Variants in SYCP1 observed in about 807,000 individuals in gnomAD.
SYCP1 encodes cancer/testis antigen 8.
SYCP1 carries 64 observed loss-of-function variants against 153.1 expected under a neutral mutation model. The ratio of observed to expected loss-of-function variants is 0.42; its 90% confidence interval spans 0.34 to 0.51. The LOEUF is 0.51. Ranked by LOEUF, SYCP1 falls within the 20% of genes least tolerant of loss-of-function variation. SYCP1 has a pLI of 0.06. For synonymous variants in SYCP1, 384 were observed against 341.8 expected (o/e 1.12, Z -1.36); for missense variants, 997 against 1,049.0 (o/e 0.95, Z 0.68).
chr1:114,868,508 T>G (rs1664908379), intron 8 of SYCP1, among the ~76,000 whole-genome samples: 1 of 152,192 alleles, frequency 6.6e-6, no homozygotes, highest in African/African-American at 2.4e-5. Flanking sequence ...GCATCTATGT[T>G]CATGAGAGAT....
chr1:114,872,755 A>T (rs1414175959), intron 8 of SYCP1, among the ~76,000 whole-genome samples: 1 of 152,078 alleles, frequency 6.6e-6, no homozygotes, highest in African/African-American at 2.4e-5. Context: ...TTTCTGTTGA[A>T]ATATCTTCAA....
rs2101680308 is a variant in SYCP1 at position 114,913,116 on chromosome 1, C to A, written c.1613C>A (p.Thr538Asn). ...KELTQETSDM[T>N]LELKNQQEDI... ...CTCACACAGGAAACAAGTGATATGA[C>A]CCTAGAACTCAAGAATCAGCAAGAA... is the stretch of plus-strand genomic sequence containing the variant. The change falls in exon 19 of 32, where the codon ACC (threonine) becomes AAC (asparagine). Residue 538 changes from threonine (T) to asparagine (N), a missense_variant. Physicochemically the swap from Thr to Asn is moderately conservative, Grantham distance 65. Around this residue, in one of 2 missense-constraint regions of SYCP1, gnomAD observed 712 missense variants for 682.9 expected, o/e 1.04. Transcript: ENST00000369522. 1.2e-6 allele frequency: 2 copies of A among 1,611,686 alleles called. No homozygotes were observed. The highest frequency in any genetic ancestry group is 1.7e-6 in the Non-Finnish European group (2 of 1,178,676).
chr1:114,981,568 TC>T, intron 29 of SYCP1, 56 bp downstream of exon 29: 2 of 1,453,062 alleles, frequency 1.4e-6, no homozygotes, highest in Non-Finnish European at 9.3e-7. Context: ...TAAATAAAGT[TC>T]TGTTATCACC....
At chr1:114,911,120 T>G (rs935109226) in intron 17 of SYCP1, among the ~76,000 whole-genome samples, 4 of 151,986 alleles carry the variant, frequency 2.6e-5, no homozygotes, top group Non-Finnish European at 5.9e-5. Context: ...TTTATAATAA[T>G]AAGAACATTT....
At chr1:114,874,217 GC>G (rs1284570985) in intron 8 of SYCP1, among the ~76,000 whole-genome samples, 1 of 152,112 alleles carries the variant, frequency 6.6e-6, no homozygotes, top group African/African-American at 2.4e-5. Flanking sequence ...AGTTTGCCCT[GC>G]GACTTTACTT....
At chr1:114,985,997 A>G (rs980770762) in intron 30 of SYCP1, among the ~76,000 whole-genome samples, 3 of 151,966 alleles carry the variant, frequency 2.0e-5, no homozygotes, top group Admixed American at 6.6e-5. Flanking sequence ...TAGTGTTTAC[A>G]TTGTATTGGG....
At chr1:114,935,891 G>A (rs1256471952) in intron 23 of SYCP1, among the ~76,000 whole-genome samples, 6 of 152,026 alleles carry the variant, frequency 3.9e-5, no homozygotes. Context: ...AAAAGGTTCT[G>A]AAATTGAGGC....
chr1:114,977,702 A>G (rs755316344), intron 28 of SYCP1, 86 bp downstream of exon 28: 11 of 853,660 alleles, frequency 1.3e-5, no homozygotes, highest in South Asian at 1.9e-5. Context: ...TATAAGTAGG[A>G]AAATAACATT....
chr1:114,864,751 A>T (rs1664620773), intron 8 of SYCP1, among the ~76,000 whole-genome samples: 1 of 152,060 alleles, frequency 6.6e-6, no homozygotes, highest in South Asian at 2.1e-4. Flanking sequence ...GCCTCCCAAA[A>T]TGTTGGGATT....
Position 114,961,683 on chromosome 1 carries a change from A to G in SYCP1, c.2322+14363A>G, listed in dbSNP as rs183777356. On this transcript the variant is annotated intron_variant, in intron 27 of 31. Coordinates refer to ENST00000369522, the MANE Select transcript of SYCP1 (RefSeq NM_003176.4). ...CCTTTTGGAGTTGATTTCCAATTTT[A>G]TTCCACTGTGGTCTGAGAGAGTACT... is the stretch of plus-strand genomic sequence containing the variant. 3.2e-4 allele frequency among the ~76,000 whole-genome samples: 49 copies of G among 152,240 alleles called. No individual in the cohort carries two copies. The East Asian group carries it at 9.5e-3, about 29-fold the overall frequency.
At chr1:114,882,639 G>T (rs181840553) in intron 12 of SYCP1, among the ~76,000 whole-genome samples, 4 of 151,584 alleles carry the variant, frequency 2.6e-5, no homozygotes, top group Non-Finnish European at 1.5e-5. Context: ...TTGTTTGCTT[G>T]TGTGCCTTAT....
chr1:114,872,006 CTT>C (rs71582510), intron 8 of SYCP1, among the ~76,000 whole-genome samples: 5 of 127,132 alleles, frequency 3.9e-5, no homozygotes, highest in Non-Finnish European at 3.3e-5. Context: ...CTTTCTTTTT[CTT>C]TTTTTTTTTT....
chr1:114,920,750 T>A (rs1668812681), intron 20 of SYCP1, among the ~76,000 whole-genome samples: 1 of 152,300 alleles, frequency 6.6e-6, no homozygotes, highest in African/African-American at 2.4e-5. Context: ...TCTCTTTTTA[T>A]AGTTTTTGTA....
intron 27 of SYCP1, among the ~76,000 whole-genome samples, chr1:114,957,344 G>C (rs566057972): frequency 6.6e-6 from 1 of 152,140 alleles, no homozygotes; most frequent in Non-Finnish European, 1.5e-5. Context: ...ATTACTGAAA[G>C]AAAACACTGG....
At chr1:114,882,497 CTT>C (rs1666021276) in intron 12 of SYCP1, among the ~76,000 whole-genome samples, 1 of 151,744 alleles carries the variant, frequency 6.6e-6, no homozygotes, top group Non-Finnish European at 1.5e-5. Flanking sequence ...TCAGTTTCTT[CTT>C]ATTTTCGAGG....
intron 26 of SYCP1, among the ~76,000 whole-genome samples, chr1:114,946,979 C>T (rs760474538): frequency 2.6e-5 from 4 of 152,120 alleles, no homozygotes; most frequent in Non-Finnish European, 4.4e-5. Context: ...CTCCTGACCT[C>T]GAGTGATATG....
chr1:114,983,961 C>G (rs1202739641), intron 29 of SYCP1, among the ~76,000 whole-genome samples: 1 of 151,974 alleles, frequency 6.6e-6, no homozygotes, highest in Non-Finnish European at 1.5e-5. Context: ...GCTGCAGTGG[C>G]ATGATCATGG....
At chr1:114,855,702 T>TGA in intron 2 of SYCP1, 130 bp downstream of exon 2, 1 of 661,088 alleles carries the variant, frequency 1.5e-6, no homozygotes, top group Non-Finnish European at 2.5e-6. Context: ...CCAAGAATTT[T>TGA]GAATCCCATT....
At chr1:114,980,505 T>C (rs183422889) in intron 28 of SYCP1, among the ~76,000 whole-genome samples, 36 of 152,108 alleles carry the variant, frequency 2.4e-4, no homozygotes, top group Admixed American at 2.4e-3. Context: ...TCTCATTCTT[T>C]ACTTTCATAA....
Sources: allele counts gnomAD v4.1 joint callset (sites outside exome capture counted in the v4.1 genomes callset), GRCh38; gene constraint gnomAD v4.1.1; regional missense constraint gnomAD v4.1.1; transcripts MANE v1.5; gene names NCBI Gene and HGNC (gene_info 2026-07-23, HGNC 2026-07-21).